AIMP1: variants seen among roughly 807,000 people sequenced by gnomAD.
AIMP1 encodes the protein aminoacyl tRNA synthase complex-interacting multifunctional protein 1.
In AIMP1, 24 loss-of-function variants were observed where a neutral mutation model predicts 33.1. The observed-to-expected ratio is 0.73, with a 90% CI of 0.53 to 1.02. The LOEUF is 1.02. AIMP1 is among the 50% of genes least tolerant of loss of function. AIMP1 has a pLI of 0.00. For synonymous variants in AIMP1, 120 were observed against 121.5 expected (o/e 0.99, Z 0.08); for missense variants, 367 against 364.8 (o/e 1.01, Z -0.05).
At chr4:106,317,590 G>A (rs1051966209) in intron 1 of AIMP1, among the ~76,000 whole-genome samples, 1 of 152,174 alleles carries the variant, frequency 6.6e-6, no homozygotes, top group Non-Finnish European at 1.5e-5. Context: ...GAAATGGCCA[G>A]TTATATTCTT....
chr4:106,338,681 C>G (rs1239123304), intron 6 of AIMP1, among the ~76,000 whole-genome samples: 1 of 151,734 alleles, frequency 6.6e-6, no homozygotes, highest in African/African-American at 2.4e-5. Flanking sequence ...TGGGATGGGA[C>G]CCCCCCACAC....
chr4:106,323,407 C>G (rs1318700630), intron 1 of AIMP1, among the ~76,000 whole-genome samples: 1 of 151,862 alleles, frequency 6.6e-6, no homozygotes, highest in African/African-American at 2.4e-5. Context: ...GAGCATTATT[C>G]TTTATGGACT....
At chr4:106,339,006 C>A (rs550543571) in intron 6 of AIMP1, among the ~76,000 whole-genome samples, 1 of 152,134 alleles carries the variant, frequency 6.6e-6, no homozygotes, top group Non-Finnish European at 1.5e-5. Context: ...TTGCATGGGG[C>A]CTATGGGCCC....
In AIMP1 at chr4:106,339,706, T is replaced by C. The variant is rs549519733; in HGVS notation, c.772+2669T>C. 8.5e-5 allele frequency among the ~76,000 whole-genome samples: 13 copies of C among 152,308 alleles called. No homozygotes were observed. The South Asian group carries it at 2.7e-3, about 32-fold the overall frequency. ...GCGTAGCAGAAAAGTATGACGTGGA[T>C]AGAGAACAGATTAATGTGCTGCAAA... On this transcript the variant is annotated intron_variant, in intron 6 of 6. Coordinates refer to ENST00000672341, the MANE Select transcript of AIMP1 (RefSeq NM_001142416.2).
In AIMP1 at chr4:106,316,581, G is replaced by A. The variant is rs1188666811; in HGVS notation, c.-39G>A. On this transcript the variant is annotated 5_prime_UTR_variant, in exon 1 of 7. Transcript: ENST00000672341. Reference sequence around the variant, plus strand: ...TGCTGTGGCTGTCTCGGAACCCGTGGTCCTCCGCTTCATGTGAGTGACGTC... The same window carrying A: ...TGCTGTGGCTGTCTCGGAACCCGTGATCCTCCGCTTCATGTGAGTGACGTC... The A allele has an allele frequency of 3.2e-6, 5 of 1,551,552 alleles. No individual in the cohort carries two copies. Among genetic ancestry groups the A allele is most frequent in the Admixed American group, 3.9e-5 (2 of 50,986 alleles).
chr4:106,329,042 CTT>C (rs33975641), intron 4 of AIMP1, among the ~76,000 whole-genome samples: 9,817 of 136,754 alleles, frequency 0.072, 295 homozygotes, highest in Middle Eastern at 0.18. Flanking sequence ...AACTTATTTA[CTT>C]TTTTTTTTTT....
chr4:106,322,154 G>A (rs975616506), intron 1 of AIMP1, among the ~76,000 whole-genome samples: 16 of 152,106 alleles, frequency 1.1e-4, no homozygotes, highest in African/African-American at 3.6e-4. Context: ...TGCAGAAGGC[G>A]GCAGGGCCCT....
Position 106,348,744 on chromosome 4 carries a change from G to C in AIMP1, c.*1052G>C, listed in dbSNP as rs1420725926. On this transcript the variant is annotated 3_prime_UTR_variant, in exon 7 of 7. Transcript: ENST00000672341. ...GTCAGCAAGATAGGGAGTGTGGATA[G>C]GGGAGGGCTGGTAGCTAACAAGGGG... 2 of 152,114 alleles carry C rather than the reference G, an allele frequency of 1.3e-5. No homozygotes were observed. Among genetic ancestry groups the C allele is most frequent in the East Asian group, 3.9e-4 (2 of 5,182 alleles). The allele number at this position is 152,114 out of a possible 1,614,324, so 9.4% of individuals were successfully genotyped here. A position where few individuals can be genotyped will look rare whatever the true frequency, so the allele number is the denominator to read the frequency against.
chr4:106,328,866 T>G (rs1769557176), intron 4 of AIMP1, among the ~76,000 whole-genome samples: 1 of 152,182 alleles, frequency 6.6e-6, no homozygotes, highest in African/African-American at 2.4e-5. Flanking sequence ...GTTCAGGTTT[T>G]CAACGATCTT....
intron 1 of AIMP1, among the ~76,000 whole-genome samples, chr4:106,323,835 G>C (rs537683905): frequency 6.6e-6 from 1 of 152,028 alleles, no homozygotes; most frequent in Non-Finnish European, 1.5e-5. Flanking sequence ...TGAATGAATT[G>C]GTGCATTTTA....
rs1406124387 is a variant in AIMP1 at position 106,336,878 on chromosome 4, C to T, written c.613C>T (p.Arg205Trp). Residue 205 changes from arginine (R) to tryptophan (W), a missense_variant, in exon 6 of 7, where the codon CGG (arginine) becomes TGG (tryptophan). Transcript: ENST00000672341. ...TTTATATTTCACACAGATGCAAAAT[C>T]GGATGGTGATTTTACTTTGTAACCT... ...NHVPLEQMQN[R>W]MVILLCNLKP... The T allele has an allele frequency of 5.0e-6, 8 of 1,613,744 alleles. No individual in the cohort carries two copies. Among genetic ancestry groups the T allele is most frequent in the Admixed American group, 3.3e-5 (2 of 59,992 alleles).
At chr4:106,326,133 A>C (rs1366820586) in intron 2 of AIMP1, among the ~76,000 whole-genome samples, 1 of 152,178 alleles carries the variant, frequency 6.6e-6, no homozygotes, top group Admixed American at 6.5e-5. Context: ...GATTGATTAG[A>C]TAGTATTTTG....
At chr4:106,320,560 A>G (rs1429511963) in intron 1 of AIMP1, among the ~76,000 whole-genome samples, 1 of 152,140 alleles carries the variant, frequency 6.6e-6, no homozygotes, top group Non-Finnish European at 1.5e-5. Context: ...CCTGGAAAAG[A>G]AAGCTATCCC....
chr4:106,327,989 G>A, intron 3 of AIMP1, 87 bp from the exon 4 acceptor site: 1 of 1,550,830 alleles, frequency 6.4e-7, no homozygotes, highest in Non-Finnish European at 8.8e-7. Context: ...CATTTAAAAA[G>A]AGTTCCCATT....
In AIMP1 at chr4:106,342,610, G is replaced by A. The variant is rs139714231; in HGVS notation, c.773-4916G>A. On this transcript the variant is annotated intron_variant, in intron 6 of 6. Coordinates refer to ENST00000672341, the MANE Select transcript of AIMP1 (RefSeq NM_001142416.2). ...TTATTGATTTGCATATGTTGAACCA[G>A]CCTTGCATCCCAGAAATAAAGCCTA... 2.2e-3 allele frequency among the ~76,000 whole-genome samples: 337 copies of A among 152,296 alleles called. 2 individuals carry two copies. The highest frequency in any genetic ancestry group is 7.1e-3 in the African/African-American group (294 of 41,568).
Position 106,336,963 on chromosome 4 carries a change from C to A in AIMP1, c.698C>A (p.Pro233Gln). 1.9e-6 allele frequency: 3 copies of A among 1,613,990 alleles called. No individual in the cohort carries two copies. The highest frequency in any genetic ancestry group is 2.5e-6 in the Non-Finnish European group (3 of 1,179,928). Residue 233 changes from proline (P) to glutamine (Q), a missense_variant, in exon 6 of 7, where the codon CCA (proline) becomes CAA (glutamine). By Grantham distance (76) the Pro-to-Gln change is moderately conservative. Transcript: ENST00000672341. ...GCAATGGTCATGTGTGCTAGTTCAC[C>A]AGAGAAAATTGAAATCTTGGCTCCT... ...SQAMVMCASS[P>Q]EKIEILAPPN...
chr4:106,346,375 A>G (rs1300762022), intron 6 of AIMP1, among the ~76,000 whole-genome samples: 2 of 152,148 alleles, frequency 1.3e-5, no homozygotes. Context: ...ATGGTTTGTC[A>G]GGGGGCAGAG....
At chr4:106,329,861 C>T (rs1172288488) in intron 4 of AIMP1, among the ~76,000 whole-genome samples, 2 of 140,046 alleles carry the variant, frequency 1.4e-5, no homozygotes, top group Non-Finnish European at 3.0e-5. Flanking sequence ...TCTCGGCTCA[C>T]TGCAACCTCC....
chr4:106,327,533 A>G lies in AIMP1; in HGVS notation c.192A>G (p.Gln64=). The G allele has an allele frequency of 1.2e-6, 2 of 1,612,596 alleles. No individual in the cohort carries two copies. The highest frequency in any genetic ancestry group is 8.5e-7 in the Non-Finnish European group (1 of 1,179,010). ...AGAAAGAAATTGAAGAACTGAAACA[A>G]GAGCTAATTCAGGCAGAAATTCAAA... ...KLKKEIEELK[Q]ELIQAEIQNG... is the part of the protein sequence containing the mutation. The change falls in exon 3 of 7, where the codon CAA becomes CAG. Residue 64 remains glutamine (Q), a synonymous_variant. Transcript: ENST00000672341.
Sources: gnomAD v4.1 joint callset for allele counts (sites outside exome capture counted in the v4.1 genomes callset) on GRCh38, gnomAD v4.1.1 for gene constraint, MANE v1.5 for transcripts, NCBI Gene and HGNC (gene_info 2026-07-23, HGNC 2026-07-21) for gene names.